The following SLC38A4 variants were observed in gnomAD, a reference collection of about 807,000 sequenced individuals.
SLC38A4 encodes solute carrier family 38 member 4.
In SLC38A4, 20 loss-of-function variants were observed where a neutral mutation model predicts 63.1. The ratio of observed to expected loss-of-function variants is 0.32; its 90% confidence interval spans 0.22 to 0.46. The LOEUF (loss-of-function observed/expected upper bound fraction) is 0.46, where lower values mean the gene tolerates loss of function less well. SLC38A4 is among the 20% of genes least tolerant of loss of function. The pLI is 1.00. For synonymous variants in SLC38A4, 230 were observed against 225.5 expected (o/e 1.02, Z -0.18); for missense variants, 526 against 663.6 (o/e 0.79, Z 2.28).
At chr12:46,784,339 A>G (rs1938713680) in intron 7 of SLC38A4, among the ~76,000 whole-genome samples, 1 of 152,118 alleles carries the variant, frequency 6.6e-6, no homozygotes, top group African/African-American at 2.4e-5. Flanking sequence ...GCAGGGTTTT[A>G]TATGTTATTT....
chr12:46,808,906 C>A (rs1939287972), intron 1 of SLC38A4, among the ~76,000 whole-genome samples: 2 of 152,000 alleles, frequency 1.3e-5, no homozygotes, highest in African/African-American at 4.8e-5. Context: ...AACGTAAGTT[C>A]TTCATACAGA....
intron 2 of SLC38A4, among the ~76,000 whole-genome samples, chr12:46,798,375 G>A (rs948535507): frequency 6.6e-5 from 10 of 152,056 alleles, no homozygotes; most frequent in Non-Finnish European, 1.5e-4. Flanking sequence ...GAAATCCACC[G>A]TGTTCTCTAC....
chr12:46,831,615 G>A (rs1164652667), intron 1 of SLC38A4, among the ~76,000 whole-genome samples: 1 of 152,186 alleles, frequency 6.6e-6, no homozygotes, highest in African/African-American at 2.4e-5. Flanking sequence ...CTCTGCTCTC[G>A]CCTTCTCCCT....
At chr12:46,807,660 A>G (rs561773041) in intron 1 of SLC38A4, among the ~76,000 whole-genome samples, 12 of 152,126 alleles carry the variant, frequency 7.9e-5, no homozygotes, top group South Asian at 6.2e-4. Context: ...GAGAAAATCC[A>G]TAGAAAAATG....
At chr12:46,813,180 T>C (rs751614216) in intron 1 of SLC38A4, among the ~76,000 whole-genome samples, 2 of 152,028 alleles carry the variant, frequency 1.3e-5, no homozygotes, top group Non-Finnish European at 2.9e-5. Flanking sequence ...TGAACTGATA[T>C]TCACAAGAGT....
chr12:46,817,079 A>G (rs535098953), intron 1 of SLC38A4, among the ~76,000 whole-genome samples: 1 of 151,946 alleles, frequency 6.6e-6, no homozygotes, highest in Admixed American at 6.6e-5. Context: ...AGGCTTGTGT[A>G]TATCTGTAAA....
At chr12:46,787,564 A>C (rs1938789355) in intron 5 of SLC38A4, among the ~76,000 whole-genome samples, 1 of 152,114 alleles carries the variant, frequency 6.6e-6, no homozygotes, top group African/African-American at 2.4e-5. Flanking sequence ...AGGGAATGGG[A>C]CATAAGGTAG....
At position 46,811,750 on chromosome 12, in the gene SLC38A4, G is replaced by A. The variant is rs374015261; in HGVS notation, c.-304-7956C>T. On this transcript the variant is annotated intron_variant, in intron 1 of 16. Coordinates refer to ENST00000266579, the MANE Select transcript of SLC38A4 (RefSeq NM_018018.5). ...CAATCCTTCTTACATTGCATCCCTC[G>A]AGAGAGTGTTTATGTGGACCTGGTC... Among the ~76,000 whole-genome samples, 26 of 152,052 alleles carry A rather than the reference G, an allele frequency of 1.7e-4. No individual in the cohort carries two copies. In the South Asian group the frequency reaches 4.2e-3, roughly 24 times the overall value.
intron 14 of SLC38A4, among the ~76,000 whole-genome samples, chr12:46,770,695 G>A (rs1242378125): frequency 6.6e-6 from 1 of 152,008 alleles, no homozygotes; most frequent in Admixed American, 6.6e-5. Flanking sequence ...TGACAAAGTT[G>A]AAAACACTCT....
At chr12:46,802,236 G>GTAGT (rs1565673630) in intron 2 of SLC38A4, among the ~76,000 whole-genome samples, 2 of 152,028 alleles carry the variant, frequency 1.3e-5, no homozygotes, top group Non-Finnish European at 2.9e-5. Context: ...TTCCCAAAGA[G>GTAGT]TAGTTTCCAG....
intron 3 of SLC38A4, among the ~76,000 whole-genome samples, chr12:46,790,536 A>G (rs946637248): frequency 6.6e-6 from 1 of 152,204 alleles, no homozygotes; most frequent in African/African-American, 2.4e-5. Context: ...AATGAAGCCT[A>G]AAATGGGCCT....
chr12:46,798,833 G>T (rs2120851032), intron 2 of SLC38A4, among the ~76,000 whole-genome samples: 1 of 152,142 alleles, frequency 6.6e-6, no homozygotes, highest in East Asian at 1.9e-4. Flanking sequence ...TGAGGTAATG[G>T]AGGCACCAAG....
chr12:46,777,917 C>T (rs1938563537), intron 12 of SLC38A4, among the ~76,000 whole-genome samples: 1 of 151,962 alleles, frequency 6.6e-6, no homozygotes, highest in African/African-American at 2.4e-5. Flanking sequence ...ATCGAGGCTG[C>T]CCCTAACCAT....
chr12:46,792,435 T>C (rs1454390059), intron 3 of SLC38A4, among the ~76,000 whole-genome samples: 1 of 152,080 alleles, frequency 6.6e-6, no homozygotes, highest in Non-Finnish European at 1.5e-5. Flanking sequence ...GTATTAGACA[T>C]TACAGGTTTA....
Position 46,787,913 on chromosome 12 carries a change from T to C in SLC38A4, c.326+3A>G, listed in dbSNP as rs747148205. The C allele has an allele frequency of 1.2e-6, 2 of 1,605,570 alleles. No individual in the cohort carries two copies. Among genetic ancestry groups the C allele is most frequent in the Non-Finnish European group, 8.5e-7 (1 of 1,173,038 alleles). Reference sequence around the variant, plus strand: ...CCAAATGTAGACATATACATTCACTTACATAAAAAGTATGATCCCTGTGTT... The same window carrying C: ...CCAAATGTAGACATATACATTCACTCACATAAAAAGTATGATCCCTGTGTT... On this transcript the variant is annotated splice_donor_region_variant and intron_variant, in intron 5 of 16. Coordinates refer to ENST00000266579, the MANE Select transcript of SLC38A4 (RefSeq NM_018018.5).
intron 1 of SLC38A4, among the ~76,000 whole-genome samples, chr12:46,817,818 CT>C (rs1309859180): frequency 6.6e-6 from 1 of 151,838 alleles, no homozygotes; most frequent in Non-Finnish European, 1.5e-5. Flanking sequence ...CAAATTCATA[CT>C]ATGATTTTTG....
chr12:46,770,113 G>C (rs1938387423), intron 14 of SLC38A4, among the ~76,000 whole-genome samples: 1 of 152,030 alleles, frequency 6.6e-6, no homozygotes, highest in African/African-American at 2.4e-5. Flanking sequence ...CGGTCAGAAA[G>C]AGATAACAGG....
At chr12:46,793,801 T>G (rs1938944141) in intron 2 of SLC38A4, among the ~76,000 whole-genome samples, 1 of 152,174 alleles carries the variant, frequency 6.6e-6, no homozygotes, top group Admixed American at 6.5e-5. Flanking sequence ...TCAGCATTAC[T>G]CATCATCTGT....
chr12:46,783,209 G>A (rs1408572331), intron 7 of SLC38A4, among the ~76,000 whole-genome samples: 1 of 149,436 alleles, frequency 6.7e-6, no homozygotes, highest in East Asian at 2.0e-4. Context: ...GGGTATAGAT[G>A]ATGGATAAAT....
Sources: gnomAD v4.1 joint callset for allele counts (sites outside exome capture counted in the v4.1 genomes callset) on GRCh38, gnomAD v4.1.1 for gene constraint, MANE v1.5 for transcripts, NCBI Gene and HGNC (gene_info 2026-07-23, HGNC 2026-07-21) for gene names.